EPHX2: variants seen among roughly 807,000 people sequenced by gnomAD.
EPHX2 encodes bifunctional epoxide hydrolase 2.
A neutral mutation model predicts 78.7 loss-of-function variants in EPHX2; 74 were observed. The ratio of observed to expected loss-of-function variants is 0.94; its 90% CI spans 0.78 to 1.14. The LOEUF (loss-of-function observed/expected upper bound fraction) is 1.14. EPHX2 is among the 50% of genes most tolerant of loss of function. The pLI, the probability that EPHX2 is intolerant of heterozygous loss-of-function variation, is 0.00. For missense variants in EPHX2, 715 were observed against 702.5 expected (o/e 1.02, Z -0.20); for synonymous variants, 251 against 255.2 (o/e 0.98, Z 0.16).
Position 27,518,046 on chromosome 8 carries a change from G to A in EPHX2, c.919G>A (p.Glu307Lys), listed in dbSNP as rs896072745. 1.3e-6 allele frequency: 2 copies of A among 1,596,374 alleles called. No homozygotes were observed. The highest frequency in any genetic ancestry group is 2.7e-5 in the African/African-American group (2 of 74,110). Residue 307 changes from glutamate (E) to lysine (K), a missense_variant, in exon 9 of 19, where the codon GAA (glutamate) becomes AAA (lysine). Glu to Lys is a moderately conservative substitution (Grantham distance 56). Coordinates refer to ENST00000521400, the MANE Select transcript of EPHX2 (RefSeq NM_001979.6). ...GESSAPPEIE[E>K]YCMEVLCKEM... Reference sequence around the variant, plus strand: ...TTTATTTTTAATTGCAGAAATAGAAGAATATTGCATGGAAGTGTTATGTAA... The same window carrying A: ...TTTATTTTTAATTGCAGAAATAGAAAAATATTGCATGGAAGTGTTATGTAA...
At chr8:27,499,179 A>C (rs773281419) in intron 1 of EPHX2, among the ~76,000 whole-genome samples, 1 of 152,184 alleles carries the variant, frequency 6.6e-6, no homozygotes, top group Non-Finnish European at 1.5e-5. Flanking sequence ...TGGATGAATT[A>C]ATCCATCCAT....
chr8:27,502,006 A>C (rs578129798), intron 2 of EPHX2, among the ~76,000 whole-genome samples: 2 of 152,344 alleles, frequency 1.3e-5, no homozygotes, highest in African/African-American at 4.8e-5. Flanking sequence ...CAGCTTGATG[A>C]CTTTTCACAC....
chr8:27,515,798 T>G lies in EPHX2; in HGVS notation c.816T>G (p.Tyr272Ter). ...CLCHGFPESW[Y>*]SWRYQIPALA... is the part of the protein sequence containing the mutation. ...GCCATGGATTTCCCGAGAGTTGGTA[T>G]TCTTGGAGGTACCAGGTGAGAAAGC... Residue 272 changes from tyrosine (Y) to a stop codon, truncating the protein, a stop_gained, in exon 7 of 19, where the codon TAT becomes TAG. Transcript: ENST00000521400. LOFTEE classifies it high-confidence loss of function. 6.2e-7 allele frequency: 1 copy of G among 1,613,978 alleles called. No individual in the cohort carries two copies. The highest frequency in any genetic ancestry group is 8.5e-7 in the Non-Finnish European group (1 of 1,179,978).
intron 2 of EPHX2, among the ~76,000 whole-genome samples, chr8:27,502,484 C>G (rs190259357): frequency 3.2e-4 from 48 of 152,332 alleles, no homozygotes; most frequent in Non-Finnish European, 5.3e-4. Context: ...CTGCTACCTA[C>G]AGCAAATATG....
intron 5 of EPHX2, among the ~76,000 whole-genome samples, chr8:27,509,788 G>A (rs1013129209): frequency 2.6e-5 from 4 of 152,204 alleles, no homozygotes; most frequent in Non-Finnish European, 2.9e-5. Context: ...GGGAGCCTGC[G>A]TCTGTTTCTC....
chr8:27,543,362 T>G (rs544736886), intron 16 of EPHX2, among the ~76,000 whole-genome samples: 1 of 152,186 alleles, frequency 6.6e-6, no homozygotes, highest in Non-Finnish European at 1.5e-5. Context: ...CATGTCACAT[T>G]GATTACTACT....
intron 11 of EPHX2, among the ~76,000 whole-genome samples, chr8:27,524,369 C>G (rs141498021): frequency 6.6e-6 from 1 of 152,104 alleles, no homozygotes; most frequent in Non-Finnish European, 1.5e-5. Flanking sequence ...TCTTCCTGAC[C>G]TCTCTCTCTG....
chr8:27,547,255 CTA>C (rs1815590572), downstream of EPHX2, among the ~76,000 whole-genome samples: 1 of 152,194 alleles, frequency 6.6e-6, no homozygotes, highest in Non-Finnish European at 1.5e-5. Flanking sequence ...ATGTCCAGGG[CTA>C]TGTTTCCTGG....
intron 16 of EPHX2, 35 bp downstream of exon 16, chr8:27,541,577 C>A (rs1815403228): frequency 6.2e-7 from 1 of 1,612,318 alleles, no homozygotes; most frequent in African/African-American, 1.3e-5. Context: ...TCATCCACAC[C>A]CCAGGACCCG....
chr8:27,509,560 A>G (rs551406111), intron 5 of EPHX2, among the ~76,000 whole-genome samples: 1 of 152,062 alleles, frequency 6.6e-6, no homozygotes, highest in South Asian at 2.1e-4. Flanking sequence ...TTTCTGGCTA[A>G]TTTTTGTATT....
At chr8:27,510,407 G>T (rs1304040251) in intron 5 of EPHX2, among the ~76,000 whole-genome samples, 1 of 152,156 alleles carries the variant, frequency 6.6e-6, no homozygotes. Context: ...AGGACTCCTT[G>T]TTCAGGAATT....
chr8:27,534,604 A>G (rs1010298008), intron 12 of EPHX2, among the ~76,000 whole-genome samples: 9 of 152,214 alleles, frequency 5.9e-5, no homozygotes, highest in African/African-American at 2.2e-4. Context: ...AGATTGCGCT[A>G]CTGCACACCA....
At chr8:27,506,597 G>A (rs769251852) in intron 4 of EPHX2, among the ~76,000 whole-genome samples, 4 of 152,298 alleles carry the variant, frequency 2.6e-5, no homozygotes, top group East Asian at 3.9e-4. Context: ...ACTTATGCCT[G>A]TTGATTTTCC....
At chr8:27,521,987 TA>T (rs1463466031) in intron 10 of EPHX2, among the ~76,000 whole-genome samples, 3 of 152,230 alleles carry the variant, frequency 2.0e-5, no homozygotes, top group African/African-American at 7.2e-5. Context: ...AGAGAGAGAT[TA>T]AAGATGCTTT....
intron 12 of EPHX2, among the ~76,000 whole-genome samples, chr8:27,529,170 A>G (rs905865409): frequency 2.6e-5 from 4 of 152,192 alleles, no homozygotes; most frequent in African/African-American, 4.8e-5. Flanking sequence ...CAGCTCCCAT[A>G]TAGCTCTTTG....
chr8:27,529,983 A>G (rs1014243456), intron 12 of EPHX2, among the ~76,000 whole-genome samples: 12 of 152,112 alleles, frequency 7.9e-5, no homozygotes, highest in Non-Finnish European at 1.3e-4. Flanking sequence ...GTGGGAAAAG[A>G]AAAATTGTAG....
chr8:27,495,802 A>C lies in EPHX2; in HGVS notation c.101+4493A>C, dbSNP rs72473996. ...GGTTGTCCCACGAGTCTGAGTAAGG[A>C]CTCCAAGAGCTATTCCTGCTCTCTC... is the stretch of plus-strand genomic sequence containing the variant. On this transcript the variant is annotated intron_variant, in intron 1 of 18. Coordinates refer to ENST00000521400, the MANE Select transcript of EPHX2 (RefSeq NM_001979.6). Among the ~76,000 whole-genome samples the C allele has an allele frequency of 2.8e-3, 427 of 152,034 alleles. 4 individuals are homozygous for C. The highest frequency in any genetic ancestry group is 9.2e-3 in the African/African-American group (381 of 41,436).
At position 27,522,465 on chromosome 8, in the gene EPHX2, A is replaced by G. The variant is rs1207505144; in HGVS notation, c.1015A>G (p.Met339Val). 1 of 1,613,990 alleles carries G rather than the reference A, an allele frequency of 6.2e-7. No homozygotes were observed. The highest frequency in any genetic ancestry group is 1.1e-5 in the South Asian group (1 of 91,054). The change falls in exon 11 of 19, where the codon ATG (methionine) becomes GTG (valine). Residue 339 changes from methionine (M) to valine (V), a missense_variant. By Grantham distance (21) the Met-to-Val change is conservative. Coordinates refer to ENST00000521400, the MANE Select transcript of EPHX2 (RefSeq NM_001979.6). ...AVFIGHDWGGMLVWYMALFYP... is the reference protein window; with the variant it reads ...AVFIGHDWGGVLVWYMALFYP... ...GTTCATTGGCCATGACTGGGGTGGC[A>G]TGCTGGTGTGGTACATGGCTCTCTT... is the stretch of plus-strand genomic sequence containing the variant.
In EPHX2 at chr8:27,544,975, G is replaced by A. The variant is rs953001833; in HGVS notation, c.*453G>A. 8 of 188,802 alleles carry A rather than the reference G, an allele frequency of 4.2e-5. No individual in the cohort carries two copies. In the South Asian group the frequency reaches 4.4e-4, roughly 10 times the overall value. 11.7% of individuals were successfully genotyped at this position (188,802 alleles called of 1,614,324 possible). A position where few individuals can be genotyped will look rare whatever the true frequency, so the allele number is the denominator to read the frequency against. On this transcript the variant is annotated 3_prime_UTR_variant, in exon 19 of 19. Transcript: ENST00000521400. ...GAGTGACTGTTCACGGAGAATGCAC[G>A]GCATGGGGATGAACCCTTTCCCTCT...
Sources: allele counts gnomAD v4.1 joint callset (sites outside exome capture counted in the v4.1 genomes callset), GRCh38; gene constraint gnomAD v4.1.1; transcripts MANE v1.5; gene names NCBI Gene and HGNC (gene_info 2026-07-23, HGNC 2026-07-21).